LAMC1: variants seen among roughly 807,000 people sequenced by gnomAD.
The protein encoded by LAMC1 is laminin subunit gamma-1.
A neutral mutation model predicts 173.6 loss-of-function variants in LAMC1; 38 were observed. The ratio of observed to expected loss-of-function variants is 0.22; its 90% CI spans 0.17 to 0.29. The LOEUF is 0.29. LAMC1 is among the 10% of genes least tolerant of loss of function. The pLI is 1.00. For missense variants in LAMC1, 1,824 were observed against 2,051.8 expected (o/e 0.89, Z 2.14); for synonymous variants, 746 against 749.1 (o/e 1.00, Z 0.07).
Position 183,115,462 on chromosome 1 carries a change from G to T in LAMC1, c.1211-58G>T. The T allele has an allele frequency of 3.8e-6, 4 of 1,062,762 alleles. 1 individual carries two copies. In the South Asian group the frequency reaches 5.1e-5, roughly 14 times the overall value. 65.8% of individuals were successfully genotyped at this position (1,062,762 alleles called of 1,614,324 possible). A position where few individuals can be genotyped will look rare whatever the true frequency, so the allele number is the denominator to read the frequency against. The stretch of plus-strand genomic sequence containing the variant: ...ACCAGTTATCTTTCTTTAACACATT[G>T]ATTTTACTTACGTATCTGGCCGAAT... On this transcript the variant is annotated intron_variant, in intron 5 of 27. Coordinates refer to ENST00000258341, the MANE Select transcript of LAMC1 (RefSeq NM_002293.4).
chr1:183,104,831 C>T (rs118170128), intron 2 of LAMC1, among the ~76,000 whole-genome samples: 1 of 152,130 alleles, frequency 6.6e-6, no homozygotes, highest in East Asian at 1.9e-4. Flanking sequence ...GTGTGCTTGC[C>T]AACACCTTGC....
intron 1 of LAMC1, among the ~76,000 whole-genome samples, chr1:183,077,110 A>T (rs1371397211): frequency 6.6e-6 from 1 of 152,170 alleles, no homozygotes; most frequent in Admixed American, 6.5e-5. Flanking sequence ...AATTTAGAGA[A>T]AACAGAAGAA....
rs1411612294 is a variant in LAMC1 at position 183,116,655 on chromosome 1, C to G, written c.1407C>G (p.Val469=). 1.1e-5 allele frequency: 17 copies of G among 1,612,846 alleles called. No homozygotes were observed. Among genetic ancestry groups the G allele is most frequent in the African/African-American group, 4.0e-5 (3 of 74,864 alleles). ...ETGRCVCKDN[V]EGFNCERCKP... ...GAAGATGTGTTTGCAAAGACAATGT[C>G]GAAGGCTTCAATTGTGAAAGGTAGT... The change falls in exon 7 of 28, where the codon GTC becomes GTG. Residue 469 remains valine (V), a synonymous_variant. Coordinates refer to ENST00000258341, the MANE Select transcript of LAMC1 (RefSeq NM_002293.4).
intron 2 of LAMC1, among the ~76,000 whole-genome samples, chr1:183,105,562 C>T (rs773609208): frequency 2.6e-5 from 4 of 151,808 alleles, no homozygotes; most frequent in Non-Finnish European, 5.9e-5. Context: ...CTCTTTATGC[C>T]GTAGAAACTA....
chr1:183,026,415 C>G (rs907526611), intron 1 of LAMC1, among the ~76,000 whole-genome samples: 8 of 152,010 alleles, frequency 5.3e-5, no homozygotes, highest in Non-Finnish European at 7.4e-5. Flanking sequence ...CTCCCCCCCC[C>G]TTTAATGACA....
intron 1 of LAMC1, among the ~76,000 whole-genome samples, chr1:183,051,424 C>T (rs939634332): frequency 1.3e-5 from 2 of 152,240 alleles, no homozygotes; most frequent in African/African-American, 4.8e-5. Flanking sequence ...GATGAGCCCA[C>T]CTGGCAGCTG....
At chr1:183,030,692 C>CT (rs1653828236) in intron 1 of LAMC1, among the ~76,000 whole-genome samples, 1 of 152,076 alleles carries the variant, frequency 6.6e-6, no homozygotes, top group Non-Finnish European at 1.5e-5. Flanking sequence ...TATGACTGTC[C>CT]TTTTTTGGGT....
chr1:183,111,283 C>T (rs1444738693), intron 4 of LAMC1, among the ~76,000 whole-genome samples: 1 of 152,020 alleles, frequency 6.6e-6, no homozygotes, highest in Non-Finnish European at 1.5e-5. Context: ...GACGGGGTTT[C>T]ACCATGTTGG....
intron 25 of LAMC1, among the ~76,000 whole-genome samples, chr1:183,137,189 G>A (rs948360046): frequency 1.3e-5 from 2 of 152,128 alleles, no homozygotes; most frequent in Non-Finnish European, 2.9e-5. Context: ...TAGAACAGTT[G>A]GCTTTTGGAT....
Position 183,091,308 on chromosome 1 carries a change from G to A in LAMC1, c.419-12020G>A, listed in dbSNP as rs77618110. Among the ~76,000 whole-genome samples, 205 of 152,248 alleles carry A rather than the reference G, an allele frequency of 1.3e-3. 3 individuals are homozygous for A. In the East Asian group the frequency reaches 0.037, roughly 28 times the overall value. On this transcript the variant is annotated intron_variant, in intron 1 of 27. Transcript: ENST00000258341. ...CTAAGTTAATATTTTAGGCTTTGCT[G>A]GCCATGCAGGGTCTCCACAATTGCC...
At chr1:183,132,217 G>A (rs1656814148) in intron 20 of LAMC1, among the ~76,000 whole-genome samples, 183 bp from the exon 21 acceptor site, 1 of 152,138 alleles carries the variant, frequency 6.6e-6, no homozygotes, top group Non-Finnish European at 1.5e-5. Flanking sequence ...TGCTTGAACC[G>A]GGAGGCGGAG....
chr1:183,110,313 TTGTTTAATTTTTTTTATCC>T (rs1379405170), intron 3 of LAMC1, among the ~76,000 whole-genome samples, 156 bp from the exon 4 acceptor site: 1 of 152,252 alleles, frequency 6.6e-6, no homozygotes, highest in African/African-American at 2.4e-5. Flanking sequence ...TAAAGCTACC[TTGTTTAATTTTTTTTATCC>T]TTAAAAATTC....
At position 183,118,156 on chromosome 1, in the gene LAMC1, G is replaced by C; in HGVS notation, c.1990+10G>C. 7.0e-7 allele frequency: 1 copy of C among 1,430,820 alleles called. No homozygotes were observed. Among genetic ancestry groups the C allele is most frequent in the Non-Finnish European group, 9.8e-7 (1 of 1,016,716 alleles). The allele number at this position is 1,430,820 out of a possible 1,614,324, so 88.6% of individuals were successfully genotyped here. ...ACATACAGTGAGAGAAGTAAGTTAT[G>C]ATATAATTTAGGAGAGTTGTTTAAA... On this transcript the variant is annotated intron_variant, in intron 11 of 27. Transcript: ENST00000258341.
chr1:183,042,278 C>T (rs1305358887), intron 1 of LAMC1, among the ~76,000 whole-genome samples: 1 of 152,108 alleles, frequency 6.6e-6, no homozygotes. Context: ...GGCCCCTGTG[C>T]TTTCCAATTG....
chr1:183,073,882 G>C (rs959944321), intron 1 of LAMC1, among the ~76,000 whole-genome samples: 9 of 152,058 alleles, frequency 5.9e-5, no homozygotes, highest in African/African-American at 1.9e-4. Flanking sequence ...AAAAGGACAA[G>C]TTTGAAGATC....
chr1:183,092,216 A>G (rs77348868), intron 1 of LAMC1, among the ~76,000 whole-genome samples: 3,519 of 152,294 alleles, frequency 0.023, 60 homozygotes, highest in Admixed American at 0.048. Flanking sequence ...CTGACATGAA[A>G]ATCAGAAGAG....
chr1:183,136,706 TA>T, intron 25 of LAMC1, 121 bp downstream of exon 25: 1 of 786,722 alleles, frequency 1.3e-6, no homozygotes. Flanking sequence ...AAAATTGTCT[TA>T]AACCATATTT....
chr1:183,029,631 TCTCTCTCCC>T (rs759152003), intron 1 of LAMC1, among the ~76,000 whole-genome samples: 7 of 152,102 alleles, frequency 4.6e-5, no homozygotes, highest in Non-Finnish European at 8.8e-5. Flanking sequence ...CCAGTTTCTC[TCTCTCTCCC>T]CTTTCTGCCC....
intron 1 of LAMC1, among the ~76,000 whole-genome samples, chr1:183,044,788 C>T (rs1654223331): frequency 6.6e-6 from 1 of 152,074 alleles, no homozygotes; most frequent in South Asian, 2.1e-4. Flanking sequence ...TTTTAAGAAG[C>T]GTTGTCTTCC....
Sources: gnomAD v4.1 joint callset for allele counts (sites outside exome capture counted in the v4.1 genomes callset) on GRCh38, gnomAD v4.1.1 for gene constraint, MANE v1.5 for transcripts, NCBI Gene and HGNC (gene_info 2026-07-23, HGNC 2026-07-21) for gene names.